The following BACE2 variants were observed in gnomAD, a reference collection of about 807,000 sequenced individuals.
The protein encoded by BACE2 is beta-secretase 2, also known as 56 kDa aspartic-like protease.
A neutral mutation model predicts 46.2 loss-of-function variants in BACE2; 17 were observed. The ratio of observed to expected loss-of-function variants is 0.37; its 90% CI spans 0.25 to 0.55. The LOEUF (loss-of-function observed/expected upper bound fraction) is 0.55. Ranked by LOEUF, BACE2 falls within the 20% of genes least tolerant of loss-of-function variation. The probability of loss-of-function intolerance (pLI) is 0.82; values close to 1 mark genes in which losing one functional copy is unlikely to be tolerated. For missense variants in BACE2, 595 were observed against 698.1 expected (o/e 0.85, Z 1.66); for synonymous variants, 277 against 295.9 (o/e 0.94, Z 0.66).
At chr21:41,270,200 G>A (rs1395301746) in intron 8 of BACE2, among the ~76,000 whole-genome samples, 1 of 152,022 alleles carries the variant, frequency 6.6e-6, no homozygotes, top group Non-Finnish European at 1.5e-5. Context: ...TTTTCTCATT[G>A]AGTCCTCAGA....
intron 1 of BACE2, among the ~76,000 whole-genome samples, chr21:41,207,411 G>T (rs2123539527): frequency 6.6e-6 from 1 of 152,256 alleles, no homozygotes; most frequent in African/African-American, 2.4e-5. Flanking sequence ...CATGGGAAAA[G>T]GATCATTGTT....
At chr21:41,272,657 G>T (rs188146591) in intron 8 of BACE2, among the ~76,000 whole-genome samples, 1 of 151,592 alleles carries the variant, frequency 6.6e-6, no homozygotes, top group South Asian at 2.1e-4. Flanking sequence ...AATGTCTTCC[G>T]TGTCTCTATT....
intron 1 of BACE2, among the ~76,000 whole-genome samples, chr21:41,194,659 G>A (rs188065672): frequency 5.9e-5 from 9 of 152,282 alleles, no homozygotes; most frequent in Admixed American, 5.2e-4. Flanking sequence ...TGATGCTGTC[G>A]CTGATGTTTT....
At chr21:41,243,234 G>T in intron 4 of BACE2, 142 bp from the exon 5 acceptor site, 1 of 673,726 alleles carries the variant, frequency 1.5e-6, no homozygotes. Context: ...TTTAAGCATT[G>T]ATATTTGTTT....
chr21:41,207,935 G>A (rs1986180133), intron 1 of BACE2, among the ~76,000 whole-genome samples: 3 of 152,238 alleles, frequency 2.0e-5, no homozygotes, highest in Admixed American at 1.3e-4. Context: ...CTGTCTTCAG[G>A]CATGCTGCTC....
intron 8 of BACE2, among the ~76,000 whole-genome samples, chr21:41,260,899 T>C (rs953375825): frequency 6.6e-6 from 1 of 152,160 alleles, no homozygotes; most frequent in Non-Finnish European, 1.5e-5. Context: ...TATTTTTTTT[T>C]ATTTTTAAAT....
chr21:41,186,317 C>T (rs550095579), intron 1 of BACE2: 36 of 152,418 alleles, frequency 2.4e-4, no homozygotes, highest in East Asian at 2.1e-3. Context: ...ACTATGGACA[C>T]TTGGCTGTCC....
chr21:41,208,191 C>G (rs73902954), intron 1 of BACE2, among the ~76,000 whole-genome samples: 1,807 of 152,356 alleles, frequency 0.012, 29 homozygotes, highest in African/African-American at 0.042. Context: ...CACAGACACA[C>G]CTTTCTAAGG....
rs1304067368 is a variant in BACE2 at position 41,278,925 on chromosome 21, T to A, written c.*3301T>A. On this transcript the variant is annotated 3_prime_UTR_variant, in exon 9 of 9. Coordinates refer to ENST00000330333, the MANE Select transcript of BACE2 (RefSeq NM_012105.5). ...TTTATCCTGATTAGTGGAAATCAAATAATGGAGTGGAATCCCCATGTGTTT... is the reference window on the plus strand; with the variant it reads ...TTTATCCTGATTAGTGGAAATCAAAAAATGGAGTGGAATCCCCATGTGTTT... The A allele has an allele frequency of 6.6e-6, 1 of 152,184 alleles. No homozygotes were observed. Among genetic ancestry groups the A allele is most frequent in the Non-Finnish European group, 1.5e-5 (1 of 68,022 alleles). The allele number at this position is 152,184 out of a possible 1,614,324, so 9.4% of individuals were successfully genotyped here.
chr21:41,272,209 A>G (rs1291072515), intron 8 of BACE2, among the ~76,000 whole-genome samples: 5 of 152,006 alleles, frequency 3.3e-5, no homozygotes, highest in African/African-American at 1.2e-4. Flanking sequence ...TCATTTGTAC[A>G]TAATATTTCT....
intron 8 of BACE2, among the ~76,000 whole-genome samples, chr21:41,270,055 C>T (rs6517659): frequency 0.24 from 37,014 of 152,088 alleles, 5,835 homozygotes; most frequent in African/African-American, 0.46. Flanking sequence ...GCGGTCTCAT[C>T]GTGGCTTTAA....
intron 1 of BACE2, among the ~76,000 whole-genome samples, chr21:41,200,060 GA>G: frequency 7.3e-6 from 1 of 137,264 alleles, no homozygotes; most frequent in South Asian, 2.8e-4. Flanking sequence ...GAGGGGGGAG[GA>G]ATAGCATTAG....
chr21:41,275,065 C>T (rs2838001), intron 8 of BACE2, among the ~76,000 whole-genome samples: 126,482 of 152,176 alleles, frequency 0.83, 52,792 homozygotes, highest in East Asian at 0.99. Flanking sequence ...TGTGTAGTAC[C>T]GCAGTGTCGC....
rs2088537336 is a variant in BACE2 at position 41,280,636 on chromosome 21, C to G, written c.*5012C>G. On this transcript the variant is annotated 3_prime_UTR_variant, in exon 9 of 9. Transcript: ENST00000330333. ...AGGCTCCCTGGGCTCTTGGTGTCAC[C>G]CTGTTAGCCACATCTGCGGAATGTG... The G allele has an allele frequency of 6.6e-6, 1 of 152,264 alleles. No homozygotes were observed. The highest frequency in any genetic ancestry group is 1.5e-5 in the Non-Finnish European group (1 of 68,078). 9.4% of individuals were successfully genotyped at this position (152,264 alleles called of 1,614,324 possible). A position where few individuals can be genotyped will look rare whatever the true frequency, so the allele number is the denominator to read the frequency against.
intron 1 of BACE2, among the ~76,000 whole-genome samples, chr21:41,217,676 C>T (rs1215211555): frequency 2.6e-5 from 4 of 152,216 alleles, no homozygotes; most frequent in Admixed American, 2.6e-4. Context: ...AGGTCCCGGC[C>T]CTTGCTCTTT....
Position 41,168,438 on chromosome 21 carries a change from G to C in BACE2, c.175G>C (p.Gly59Arg). ...PGTPAERHAD[G>R]LALALEPALA... ...GACCCCTGCCGAGCGCCACGCCGAC[G>C]GCTTGGCGCTCGCCCTGGAGCCTGC... The change falls in exon 1 of 9, where the codon GGC (glycine) becomes CGC (arginine). Residue 59 changes from glycine (G) to arginine (R), a missense_variant. This residue lies in a region of BACE2 where 248 missense variants were observed against 261.4 expected (regional missense o/e 0.95). Transcript: ENST00000330333. 2 of 1,395,010 alleles carry C rather than the reference G, an allele frequency of 1.4e-6. No individual in the cohort carries two copies. Among genetic ancestry groups the C allele is most frequent in the Non-Finnish European group, 1.9e-6 (2 of 1,072,248 alleles). 86.4% of individuals were successfully genotyped at this position (1,395,010 alleles called of 1,614,324 possible). A position where few individuals can be genotyped will look rare whatever the true frequency, so the allele number is the denominator to read the frequency against.
chr21:41,237,752 A>G (rs749685625), intron 3 of BACE2, 23 bp downstream of exon 3: 29 of 1,580,656 alleles, frequency 1.8e-5, no homozygotes, highest in Middle Eastern at 1.7e-4. Context: ...CATGGATTTA[A>G]GGAAATCAAA....
At chr21:41,268,344 C>G (rs1344050016) in intron 8 of BACE2, among the ~76,000 whole-genome samples, 1 of 152,176 alleles carries the variant, frequency 6.6e-6, no homozygotes, top group African/African-American at 2.4e-5. Context: ...ACAATGGCCT[C>G]TCATAAATCA....
rs866330373 is a variant in BACE2, at chr21:41,205,134, A to G, written c.313-21132A>G. On this transcript the variant is annotated intron_variant, in intron 1 of 8. Transcript: ENST00000330333. ...AAAAGATTACTGTAAAACGAAGATG[A>G]AATTTTAGATTTTAAGAAGATTTCA... Among the ~76,000 whole-genome samples, 28 of 152,298 alleles carry G rather than the reference A, an allele frequency of 1.8e-4. No individual in the cohort carries two copies. In the Middle Eastern group the frequency reaches 0.014, roughly 74 times the overall value.
Sources: gnomAD v4.1 joint callset for allele counts (sites outside exome capture counted in the v4.1 genomes callset) on GRCh38, gnomAD v4.1.1 for gene constraint, gnomAD v4.1.1 regional missense constraint, MANE v1.5 for transcripts, NCBI Gene and HGNC (gene_info 2026-07-23, HGNC 2026-07-21) for gene names.